Variants in TAF2 observed in about 807,000 individuals in gnomAD.
TAF2 encodes the protein TATA-box binding protein associated factor 2.
In TAF2, 61 loss-of-function variants were observed where a neutral mutation model predicts 138.5. That is an observed-to-expected ratio of 0.44 (90% confidence interval 0.36 to 0.54). TAF2 has a LOEUF of 0.54. TAF2 is among the 20% of genes least tolerant of loss of function. TAF2 has a pLI of 0.00. For synonymous variants in TAF2, 475 were observed against 469.9 expected (o/e 1.01, Z -0.14); for missense variants, 1,090 against 1,427.9 (o/e 0.76, Z 3.81).
At chr8:119,738,997 A>G (rs1409016310) in intron 25 of TAF2, among the ~76,000 whole-genome samples, 1 of 148,618 alleles carries the variant, frequency 6.7e-6, no homozygotes, top group East Asian at 2.0e-4. Context: ...GCAAGCTCTC[A>G]AGCTTTAAAG....
At chr8:119,780,934 CAAA>C (rs374156089) in intron 17 of TAF2, 116 bp downstream of exon 17, 8,966 of 704,616 alleles carry the variant, frequency 0.013, no homozygotes, top group East Asian at 0.016. Flanking sequence ...GACTCTGTCT[CAAA>C]AAAAAAAAAA....
chr8:119,810,931 C>T (rs938310888), intron 3 of TAF2, among the ~76,000 whole-genome samples: 2 of 152,110 alleles, frequency 1.3e-5, no homozygotes, highest in South Asian at 4.1e-4. Context: ...ATTATAAATG[C>T]AATCAACTGG....
In TAF2 at chr8:119,817,800, G is replaced by A. The variant is rs532238058; in HGVS notation, c.299+1546C>T. On this transcript the variant is annotated intron_variant, in intron 3 of 25. Transcript: ENST00000378164. Reference sequence around the variant, plus strand: ...TATTTTGGCCTTCTGGCAAGGTAATGGGTCCTCTATCTGCTCTTTATCAGG... The same window carrying A: ...TATTTTGGCCTTCTGGCAAGGTAATAGGTCCTCTATCTGCTCTTTATCAGG... Among the ~76,000 whole-genome samples the A allele has an allele frequency of 2.6e-5, 4 of 152,250 alleles. No homozygotes were observed. In the South Asian group the frequency reaches 6.2e-4, roughly 24 times the overall value.
chr8:119,821,730 C>A (rs1825815772), intron 2 of TAF2, among the ~76,000 whole-genome samples: 1 of 152,120 alleles, frequency 6.6e-6, no homozygotes, highest in African/African-American at 2.4e-5. Flanking sequence ...CATTATTGGC[C>A]TATTAGTGTT....
chr8:119,769,126 G>C (rs993671938), intron 18 of TAF2, among the ~76,000 whole-genome samples: 1 of 152,188 alleles, frequency 6.6e-6, no homozygotes, highest in Non-Finnish European at 1.5e-5. Flanking sequence ...CAAAGATCAA[G>C]TACATACCCA....
chr8:119,797,464 TTTTGAGTTATCTC>T (rs1823909674), intron 7 of TAF2, among the ~76,000 whole-genome samples, 185 bp downstream of exon 7: 1 of 134,626 alleles, frequency 7.4e-6, no homozygotes, highest in Admixed American at 6.9e-5. Flanking sequence ...AAGATGAGCC[TTTTGAGTTATCTC>T]AAAAACTTTG....
At chr8:119,797,317 C>A (rs1417134253) in intron 7 of TAF2, among the ~76,000 whole-genome samples, 1 of 152,022 alleles carries the variant, frequency 6.6e-6, no homozygotes, top group Non-Finnish European at 1.5e-5. Context: ...CAGTAAATTT[C>A]TGACAATATC....
At chr8:119,828,326 C>T (rs965274625) in intron 2 of TAF2, among the ~76,000 whole-genome samples, 44 of 152,188 alleles carry the variant, frequency 2.9e-4, no homozygotes, top group African/African-American at 1.0e-3. Flanking sequence ...CCACCTTGAG[C>T]TCCTCATCCC....
At position 119,756,125 on chromosome 8, in the gene TAF2, T is replaced by C. The variant is rs1820686932; in HGVS notation, c.2769-10A>G. ...GTTGAGAATCTTATGCCTGAAAGAT[T>C]AAAAAAAATTAAATTTTTGCTGACC... On this transcript the variant is annotated splice_polypyrimidine_tract_variant and intron_variant, in intron 21 of 25. Transcript: ENST00000378164. 6.2e-7 allele frequency: 1 copy of C among 1,606,282 alleles called. No homozygotes were observed. The highest frequency in any genetic ancestry group is 8.5e-7 in the Non-Finnish European group (1 of 1,173,742).
At chr8:119,739,379 ATAAAG>A (rs1819446493) in intron 25 of TAF2, among the ~76,000 whole-genome samples, 1 of 152,174 alleles carries the variant, frequency 6.6e-6, no homozygotes, top group Non-Finnish European at 1.5e-5. Context: ...AAAATAAATA[ATAAAG>A]TAATGAAGGA....
At chr8:119,766,735 G>A (rs1250641875) in intron 18 of TAF2, among the ~76,000 whole-genome samples, 1 of 152,118 alleles carries the variant, frequency 6.6e-6, no homozygotes, top group Non-Finnish European at 1.5e-5. Flanking sequence ...TCGGGAAGTT[G>A]AGGCAGGAGA....
At chr8:119,776,454 G>A (rs554306531) in intron 18 of TAF2, among the ~76,000 whole-genome samples, 3 of 151,102 alleles carry the variant, frequency 2.0e-5, no homozygotes, top group South Asian at 4.2e-4. Flanking sequence ...AGGCCGAGAC[G>A]GGCGGATCAC....
Position 119,756,122 on chromosome 8 carries a change from G to A in TAF2, c.2769-7C>T, listed in dbSNP as rs1820686732. 3 of 1,609,732 alleles carry A rather than the reference G, an allele frequency of 1.9e-6. No homozygotes were observed. The highest frequency in any genetic ancestry group is 2.5e-6 in the Non-Finnish European group (3 of 1,176,672). Reference sequence around the variant, plus strand: ...CATGTTGAGAATCTTATGCCTGAAAGATTAAAAAAAATTAAATTTTTGCTG... The same window carrying A: ...CATGTTGAGAATCTTATGCCTGAAAAATTAAAAAAAATTAAATTTTTGCTG... On this transcript the variant is annotated splice_polypyrimidine_tract_variant and splice_region_variant and intron_variant, in intron 21 of 25. Transcript: ENST00000378164.
intron 3 of TAF2, among the ~76,000 whole-genome samples, chr8:119,810,780 AAAAAT>A (rs1404118515): frequency 6.6e-5 from 10 of 152,248 alleles, no homozygotes; most frequent in African/African-American, 2.2e-4. Flanking sequence ...AGGGAAATGC[AAAAAT>A]AAAATAACTA....
At chr8:119,788,041 G>C (rs1342479952) in intron 14 of TAF2, among the ~76,000 whole-genome samples, 1 of 152,082 alleles carries the variant, frequency 6.6e-6, no homozygotes, top group Non-Finnish European at 1.5e-5. Flanking sequence ...TGAACAATGA[G>C]AACACACAGA....
intron 2 of TAF2, among the ~76,000 whole-genome samples, chr8:119,822,413 CG>C (rs1416976090): frequency 6.6e-6 from 1 of 151,892 alleles, no homozygotes; most frequent in Non-Finnish European, 1.5e-5. Flanking sequence ...TCTCTAGAGA[CG>C]GGTCTTATCA....
chr8:119,818,986 C>A (rs114802965), intron 3 of TAF2, among the ~76,000 whole-genome samples: 2,279 of 152,044 alleles, frequency 0.015, 61 homozygotes, highest in African/African-American at 0.053. Flanking sequence ...TTTAAAGTAG[C>A]CTCTGGTCTA....
intron 8 of TAF2, among the ~76,000 whole-genome samples, chr8:119,796,751 T>C (rs769463899): frequency 6.6e-6 from 1 of 152,086 alleles, no homozygotes; most frequent in Admixed American, 6.5e-5. Context: ...TAAATACATA[T>C]AGAACAGTGT....
chr8:119,806,224 T>G, intron 4 of TAF2, 59 bp downstream of exon 4: 3 of 1,396,656 alleles, frequency 2.1e-6, no homozygotes, highest in Non-Finnish European at 3.0e-6. Context: ...TGTAAAATTC[T>G]CTAGTGTCTG....
Sources: allele counts gnomAD v4.1 joint callset (sites outside exome capture counted in the v4.1 genomes callset), GRCh38; gene constraint gnomAD v4.1.1; transcripts MANE v1.5; gene names NCBI Gene and HGNC (gene_info 2026-07-23, HGNC 2026-07-21).